MCUB: variants seen among roughly 807,000 people sequenced by gnomAD.
MCUB encodes the protein calcium uniporter regulatory subunit MCUb, mitochondrial.
A neutral mutation model predicts 41.4 loss-of-function variants in MCUB; 46 were observed. The observed-to-expected ratio is 1.11, with a 90% confidence interval of 0.88 to 1.42. MCUB has a LOEUF of 1.42. Among genes scored for constraint, MCUB ranks in the 40% most tolerant of loss-of-function variants. MCUB has a pLI of 0.00. For synonymous variants in MCUB, 148 were observed against 148.2 expected, an observed-to-expected ratio of 1.00 and a Z score of 0.01; for missense variants, 403 against 404.9, an observed-to-expected ratio of 1.00 and a Z score of 0.04.
intron 1 of MCUB, among the ~76,000 whole-genome samples, chr4:109,635,335 C>A (rs1348306165): frequency 1.3e-5 from 2 of 152,140 alleles, no homozygotes; most frequent in Admixed American, 1.3e-4. Flanking sequence ...AGAGCCAGGC[C>A]AGCAACCTTT....
intron 1 of MCUB, among the ~76,000 whole-genome samples, chr4:109,563,278 T>G (rs1255974400): frequency 6.6e-6 from 1 of 152,178 alleles, no homozygotes; most frequent in Admixed American, 6.5e-5. Context: ...TTTAAAAAAT[T>G]TTTACATCAA....
intron 1 of MCUB, among the ~76,000 whole-genome samples, chr4:109,606,639 TA>T (rs1727877335): frequency 6.6e-6 from 1 of 152,220 alleles, no homozygotes; most frequent in African/African-American, 2.4e-5. Flanking sequence ...AACTAACAAG[TA>T]TAAAGAAGAC....
At chr4:109,666,621 C>T (rs568822048) in intron 4 of MCUB, among the ~76,000 whole-genome samples, 2 of 152,014 alleles carry the variant, frequency 1.3e-5, no homozygotes, top group South Asian at 4.1e-4. Flanking sequence ...AGATCTTTGC[C>T]CATTTTGTGA....
At chr4:109,685,130 A>G in intron 6 of MCUB, 121 bp from the exon 7 acceptor site, 2 of 598,920 alleles carry the variant, frequency 3.3e-6, no homozygotes, top group Non-Finnish European at 6.0e-6. Flanking sequence ...GCCATTGCAA[A>G]TATTTCACTC....
At chr4:109,624,038 A>G (rs978097466) in intron 1 of MCUB, among the ~76,000 whole-genome samples, 7 of 152,062 alleles carry the variant, frequency 4.6e-5, no homozygotes, top group African/African-American at 1.7e-4. Flanking sequence ...TTTTTTGTAG[A>G]GTCAAGATTT....
chr4:109,597,660 ACCGGGCGGCTGG>A (rs1727603352), intron 1 of MCUB, among the ~76,000 whole-genome samples: 1 of 132,076 alleles, frequency 7.6e-6, no homozygotes, highest in Admixed American at 7.9e-5. Flanking sequence ...TCCCTCCCAG[ACCGGGCGGCTGG>A]CCGGGCGGGG....
At chr4:109,649,687 A>G (rs1484028048) in intron 1 of MCUB, among the ~76,000 whole-genome samples, 1 of 151,970 alleles carries the variant, frequency 6.6e-6, no homozygotes, top group Non-Finnish European at 1.5e-5. Context: ...TAGTTTCATC[A>G]CATTGTGTCA....
chr4:109,634,101 A>G (rs758397255), intron 1 of MCUB, among the ~76,000 whole-genome samples: 15 of 152,202 alleles, frequency 9.9e-5, no homozygotes, highest in Non-Finnish European at 1.8e-4. Context: ...ATTCATATAG[A>G]AAATGTATAG....
At chr4:109,653,253 C>T (rs1729002944) in intron 1 of MCUB, among the ~76,000 whole-genome samples, 2 of 151,974 alleles carry the variant, frequency 1.3e-5, no homozygotes, top group East Asian at 3.9e-4. Context: ...GTGGCATGCA[C>T]CCGTAATCCC....
intron 4 of MCUB, among the ~76,000 whole-genome samples, chr4:109,679,737 C>T (rs1433923137): frequency 2.0e-5 from 3 of 152,206 alleles, no homozygotes; most frequent in Non-Finnish European, 4.4e-5. Context: ...CAAGCAGTTA[C>T]TTTAGAAAGC....
Position 109,660,271 on chromosome 4 carries a change from C to T in MCUB, c.252C>T (p.Phe84=), listed in dbSNP as rs911075348. 3.7e-5 allele frequency: 60 copies of T among 1,600,146 alleles called. No individual in the cohort carries two copies. The highest frequency in any genetic ancestry group is 5.0e-5 in the Non-Finnish European group (58 of 1,167,856). Residue 84 remains phenylalanine (F), a synonymous_variant, in exon 3 of 8, where the codon TTC becomes TTT. Coordinates refer to ENST00000394650, the MANE Select transcript of MCUB (RefSeq NM_017918.5). The part of the protein sequence containing the change: ...TLPSRKERCQ[F]VVKPMLSTVG... ...CATCTAGAAAAGAACGTTGTCAATT[C>T]GTAGTCAAACCAATGTTGTCAACAG...
intron 1 of MCUB, among the ~76,000 whole-genome samples, chr4:109,584,936 G>A (rs151308411): frequency 6.6e-6 from 1 of 152,164 alleles, no homozygotes; most frequent in Non-Finnish European, 1.5e-5. Flanking sequence ...TGTTGCTTTG[G>A]GGTGGAGAGT....
At chr4:109,661,849 A>G (rs1729238512) in intron 3 of MCUB, among the ~76,000 whole-genome samples, 1 of 152,194 alleles carries the variant, frequency 6.6e-6, no homozygotes, top group South Asian at 2.1e-4. Context: ...CCTGGCCAAC[A>G]TAGCAAAACC....
intron 2 of MCUB, 140 bp from the exon 3 acceptor site, chr4:109,660,055 A>T: frequency 1.7e-6 from 1 of 592,274 alleles, no homozygotes. Flanking sequence ...TAATGAAGGC[A>T]TTATTGGAGC....
intron 1 of MCUB, among the ~76,000 whole-genome samples, chr4:109,620,530 A>G (rs1291066120): frequency 6.7e-6 from 1 of 150,290 alleles, no homozygotes; most frequent in East Asian, 1.9e-4. Flanking sequence ...AGAAGGTAGT[A>G]GAAGATAAGC....
chr4:109,642,184 C>T (rs1339280567), intron 1 of MCUB, among the ~76,000 whole-genome samples: 1 of 152,114 alleles, frequency 6.6e-6, no homozygotes, highest in Non-Finnish European at 1.5e-5. Flanking sequence ...TTTTGACAAG[C>T]AAATATTATG....
intron 1 of MCUB, among the ~76,000 whole-genome samples, chr4:109,600,751 T>C (rs1016418524): frequency 6.6e-6 from 1 of 152,232 alleles, no homozygotes; most frequent in East Asian, 1.9e-4. Context: ...CCTCCAGCTC[T>C]CTATGGGGCG....
At chr4:109,576,988 A>G (rs868004929) in intron 1 of MCUB, among the ~76,000 whole-genome samples, 8 of 152,198 alleles carry the variant, frequency 5.3e-5, no homozygotes, top group Middle Eastern at 3.4e-3. Flanking sequence ...AGTAGATGGG[A>G]TTACAAGCAT....
chr4:109,686,915 T>A (rs1331438381), intron 7 of MCUB, among the ~76,000 whole-genome samples: 1 of 152,024 alleles, frequency 6.6e-6, no homozygotes, highest in Admixed American at 6.6e-5. Context: ...TTGTTAATTA[T>A]GTTTAAGGTA....
Sources: allele counts gnomAD v4.1 joint callset (sites outside exome capture counted in the v4.1 genomes callset), GRCh38; gene constraint gnomAD v4.1.1; transcripts MANE v1.5; gene names NCBI Gene and HGNC (gene_info 2026-07-23, HGNC 2026-07-21).